The following WWTR1 variants were observed in gnomAD, a reference collection of about 807,000 sequenced individuals.
WWTR1 encodes WW domain-containing transcription regulator protein 1.
WWTR1 carries 13 observed loss-of-function variants against 40.1 expected under a neutral mutation model. That is an observed-to-expected ratio of 0.32 (90% CI 0.21 to 0.52). The LOEUF is 0.52. Among genes scored for constraint, WWTR1 ranks in the 20% least tolerant of loss-of-function variants. The pLI is 0.97. For synonymous variants in WWTR1, 230 were observed against 210.1 expected (o/e 1.09, Z -0.82); for missense variants, 436 against 523.1 (o/e 0.83, Z 1.63).
chr3:149,521,658 G>A (rs1223587411), intron 6 of WWTR1, among the ~76,000 whole-genome samples: 1 of 152,172 alleles, frequency 6.6e-6, no homozygotes, highest in Non-Finnish European at 1.5e-5. Flanking sequence ...GGCAGTATGT[G>A]TATTCAAATA....
chr3:149,676,057 G>A (rs1171640344), intron 1 of WWTR1, among the ~76,000 whole-genome samples: 2 of 152,078 alleles, frequency 1.3e-5, no homozygotes, highest in Non-Finnish European at 1.5e-5. Context: ...GTATCTACTG[G>A]TAAGGAATTA....
At chr3:149,695,907 T>C (rs958095913) in intron 1 of WWTR1, among the ~76,000 whole-genome samples, 33 of 150,188 alleles carry the variant, frequency 2.2e-4, no homozygotes, top group African/African-American at 8.0e-4. Flanking sequence ...GGTCAGGAGA[T>C]TGAGACTATC....
At chr3:149,599,571 G>T (rs926260917) in intron 2 of WWTR1, among the ~76,000 whole-genome samples, 2 of 152,242 alleles carry the variant, frequency 1.3e-5, no homozygotes, top group African/African-American at 4.8e-5. Flanking sequence ...GGCCAGTCCT[G>T]TACCAATGCT....
intron 2 of WWTR1, chr3:149,649,949 A>G (rs1712766174): frequency 6.6e-6 from 1 of 151,338 alleles, no homozygotes; most frequent in Admixed American, 6.6e-5. Context: ...TTCTGTAGAG[A>G]CAGAATCTCG....
At chr3:149,644,901 G>GGAATGCAGTGGCCT (rs1311782146) in intron 2 of WWTR1, among the ~76,000 whole-genome samples, 1 of 151,994 alleles carries the variant, frequency 6.6e-6, no homozygotes, top group Non-Finnish European at 1.5e-5. Context: ...GGCCCAGCCT[G>GGAATGCAGTGGCCT]GAATGCAGTG....
exon 3 of WWTR1, chr3:149,724,787 T>C (rs1265812494): frequency 6.6e-6 from 1 of 152,240 alleles, no homozygotes; most frequent in African/African-American, 2.4e-5. Context: ...TTTTTTGTTG[T>C]TCTGTTGAGG....
chr3:149,656,168 T>A (rs1398436660), intron 2 of WWTR1, among the ~76,000 whole-genome samples: 1 of 152,194 alleles, frequency 6.6e-6, no homozygotes, highest in Non-Finnish European at 1.5e-5. Context: ...ATTCATGACA[T>A]CAAAAAGCTG....
intron 2 of WWTR1, among the ~76,000 whole-genome samples, chr3:149,611,639 G>A (rs933596796): frequency 5.3e-5 from 8 of 152,200 alleles, no homozygotes; most frequent in South Asian, 2.1e-4. Flanking sequence ...TGGCCAAGGC[G>A]AGATGAGTCT....
At chr3:149,622,203 G>A (rs1206357289) in intron 2 of WWTR1, among the ~76,000 whole-genome samples, 1 of 151,960 alleles carries the variant, frequency 6.6e-6, no homozygotes, top group East Asian at 1.9e-4. Context: ...GACATTTCAG[G>A]TATAACCTTA....
Position 149,602,740 on chromosome 3 carries a change from C to T in WWTR1, c.432-29740G>A, listed in dbSNP as rs142910276. ...AGTGCAGTGGCACGATCTCGGCTCA[C>T]TGCAACCTCTGCTGTCCAGTTTCAA... On this transcript the variant is annotated intron_variant, in intron 2 of 6. Coordinates refer to ENST00000360632, the MANE Select transcript of WWTR1 (RefSeq NM_015472.6). 9.2e-3 allele frequency among the ~76,000 whole-genome samples: 1,394 copies of T among 152,332 alleles called. 13 individuals carry two copies. The highest frequency in any genetic ancestry group is 0.015 in the Non-Finnish European group (990 of 68,034).
At chr3:149,533,771 G>A (rs944877500) in intron 4 of WWTR1, among the ~76,000 whole-genome samples, 3 of 151,970 alleles carry the variant, frequency 2.0e-5, no homozygotes, top group Admixed American at 6.6e-5. Context: ...AAAAAAAAAA[G>A]GTGGTTTATA....
intron 5 of WWTR1, among the ~76,000 whole-genome samples, chr3:149,714,311 C>G (rs561551057): frequency 2.6e-5 from 4 of 152,180 alleles, no homozygotes; most frequent in Non-Finnish European, 5.9e-5. Context: ...CTGCAGACGC[C>G]GAGCTGCGAC....
intron 2 of WWTR1, among the ~76,000 whole-genome samples, chr3:149,609,181 C>T (rs571476753): frequency 6.6e-6 from 1 of 152,330 alleles, no homozygotes; most frequent in South Asian, 2.1e-4. Context: ...GTCCAAAGTG[C>T]CATTCAGCTT....
At chr3:149,612,886 C>T (rs550500539) in intron 2 of WWTR1, among the ~76,000 whole-genome samples, 1 of 152,288 alleles carries the variant, frequency 6.6e-6, no homozygotes, top group Non-Finnish European at 1.5e-5. Context: ...ACATCTCTTC[C>T]TACACAATTT....
chr3:149,603,151 G>C (rs914430613), intron 2 of WWTR1, among the ~76,000 whole-genome samples: 5 of 152,102 alleles, frequency 3.3e-5, no homozygotes, highest in African/African-American at 1.2e-4. Context: ...TGAGGAACAA[G>C]GGTCTCCACC....
At chr3:149,590,191 T>C (rs1215213877) in intron 2 of WWTR1, among the ~76,000 whole-genome samples, 1 of 152,116 alleles carries the variant, frequency 6.6e-6, no homozygotes, top group Non-Finnish European at 1.5e-5. Flanking sequence ...GTAATAATGA[T>C]AGTTACAATA....
At chr3:149,531,202 T>A (rs1393124468) in intron 4 of WWTR1, among the ~76,000 whole-genome samples, 1 of 152,208 alleles carries the variant, frequency 6.6e-6, no homozygotes, top group African/African-American at 2.4e-5. Context: ...CCCAAAGTGC[T>A]GGGATTACAG....
At chr3:149,717,215 C>T (rs1715625594) in intron 5 of WWTR1, among the ~76,000 whole-genome samples, 1 of 152,210 alleles carries the variant, frequency 6.6e-6, no homozygotes, top group Middle Eastern at 3.4e-3. Context: ...GCTTCTTTCC[C>T]GTTCGAAAGC....
intron 2 of WWTR1, among the ~76,000 whole-genome samples, chr3:149,664,589 C>CT (rs71916474): frequency 0.014 from 1,898 of 139,794 alleles, 20 homozygotes; most frequent in African/African-American, 0.03. Flanking sequence ...AAGGCACTAT[C>CT]TTTTTTTTTT....
Sources: allele counts gnomAD v4.1 joint callset (sites outside exome capture counted in the v4.1 genomes callset), GRCh38; gene constraint gnomAD v4.1.1; transcripts MANE v1.5; gene names NCBI Gene and HGNC (gene_info 2026-07-23, HGNC 2026-07-21).